The following SLC26A5 variants were observed in gnomAD, a reference collection of about 807,000 sequenced individuals.
The protein encoded by SLC26A5 is solute carrier family 26 member 5, also known as prestin.
Under a neutral mutation model 81.0 loss-of-function variants are expected in SLC26A5, and 51 were observed. The observed-to-expected ratio is 0.63, with a 90% CI of 0.50 to 0.80. The LOEUF is 0.80. Ranked by LOEUF, SLC26A5 falls within the 30% of genes least tolerant of loss-of-function variation. SLC26A5 has a pLI of 0.00. For synonymous variants in SLC26A5, 325 were observed against 332.8 expected (o/e 0.98, Z 0.25); for missense variants, 771 against 905.8 (o/e 0.85, Z 1.91).
At chr7:103,381,090 CAT>C (rs1425571255) in intron 14 of SLC26A5, among the ~76,000 whole-genome samples, 6 of 151,574 alleles carry the variant, frequency 4.0e-5, no homozygotes, top group African/African-American at 1.5e-4. Context: ...ACATACCACA[CAT>C]ATACACATCA....
At chr7:103,415,001 T>C (rs575848721) in intron 4 of SLC26A5, among the ~76,000 whole-genome samples, 2 of 152,344 alleles carry the variant, frequency 1.3e-5, no homozygotes, top group African/African-American at 4.8e-5. Flanking sequence ...GGGTCATTCA[T>C]TCATAGCTTG....
intron 9 of SLC26A5, among the ~76,000 whole-genome samples, chr7:103,397,278 A>G (rs1009593349): frequency 6.6e-6 from 1 of 151,896 alleles, no homozygotes; most frequent in Non-Finnish European, 1.5e-5. Context: ...GTGGTGGCTC[A>G]TGCCTGTAAT....
At chr7:103,393,169 T>C (rs1254750009) in intron 9 of SLC26A5, 103 bp from the exon 10 acceptor site, 10 of 1,378,876 alleles carry the variant, frequency 7.3e-6, no homozygotes, top group Non-Finnish European at 1.0e-5. Context: ...TATCTGCAAA[T>C]GAAGTAATCA....
intron 19 of SLC26A5, among the ~76,000 whole-genome samples, chr7:103,356,533 G>A (rs990998895): frequency 5.3e-5 from 8 of 152,156 alleles, no homozygotes; most frequent in Non-Finnish European, 1.0e-4. Flanking sequence ...TTTGCCATTT[G>A]AGGGAAAATA....
At chr7:103,382,299 T>C (rs866420258) in intron 14 of SLC26A5, among the ~76,000 whole-genome samples, 8 of 152,084 alleles carry the variant, frequency 5.3e-5, no homozygotes, top group Admixed American at 2.6e-4. Context: ...GTTAACTTAA[T>C]TTAGTCTGAA....
At position 103,363,703 on chromosome 7, in the gene SLC26A5, T is replaced by G. The variant is rs575277500; in HGVS notation, c.2042-10777A>C. Among the ~76,000 whole-genome samples the G allele has an allele frequency of 5.9e-5, 9 of 152,296 alleles. No homozygotes were observed. In the South Asian group the frequency reaches 1.4e-3, roughly 25 times the overall value. On this transcript the variant is annotated intron_variant, in intron 19 of 19. Transcript: ENST00000339444. ...GCACAGTGTAACCTTTAGCAATATG[T>G]TAAATATGTTACAGGCTATTATAGA... is the stretch of plus-strand genomic sequence containing the variant.
intron 19 of SLC26A5, among the ~76,000 whole-genome samples, chr7:103,376,147 C>T (rs1472023113): frequency 6.6e-6 from 1 of 151,824 alleles, no homozygotes; most frequent in East Asian, 1.9e-4. Flanking sequence ...GTGATGTTGG[C>T]TCACTGCAAC....
intron 2 of SLC26A5, among the ~76,000 whole-genome samples, chr7:103,440,769 G>C (rs1166810057): frequency 1.3e-5 from 2 of 152,174 alleles, no homozygotes; most frequent in Non-Finnish European, 2.9e-5. Context: ...GGTCTGCATT[G>C]GATTTTTGAC....
At chr7:103,363,241 A>C in intron 19 of SLC26A5, 1 of 864,016 alleles carries the variant, frequency 1.2e-6, no homozygotes, top group Admixed American at 2.6e-5. Context: ...TAAAATTCTC[A>C]CTTGTGAGTT....
chr7:103,361,855 G>C (rs1820433511), intron 19 of SLC26A5: 1 of 1,185,396 alleles, frequency 8.4e-7, no homozygotes, highest in Admixed American at 2.8e-5. Flanking sequence ...TGTAGTTCTA[G>C]TTTATACCTG....
chr7:103,410,479 G>A lies in SLC26A5; in HGVS notation c.641C>T (p.Thr214Ile), dbSNP rs748691910. 2 of 1,614,014 alleles carry A rather than the reference G, an allele frequency of 1.2e-6. No homozygotes were observed. Among genetic ancestry groups the A allele is most frequent in the East Asian group, 2.2e-5 (1 of 44,856 alleles). Residue 214 changes from threonine (T) to isoleucine (I), a missense_variant, in exon 7 of 20, where the codon ACC becomes ATC. Thr to Ile is a moderately conservative substitution (Grantham distance 89). Transcript: ENST00000306312. ...YLTEPLVRGF[T>I]TAAAVHVFTS... ...GAAGACATGCACAGCTGCTGCGGTGGTAAACCCACGGACCAGAGGCTCTGT... is the reference window on the plus strand; with the variant it reads ...GAAGACATGCACAGCTGCTGCGGTGATAAACCCACGGACCAGAGGCTCTGT...
At chr7:103,362,629 A>C in intron 19 of SLC26A5, 1 of 1,519,058 alleles carries the variant, frequency 6.6e-7, no homozygotes, top group Non-Finnish European at 9.1e-7. Flanking sequence ...GACTAAACAT[A>C]AAAGCACTTT....
At chr7:103,352,909 G>GTC in exon 20 of SLC26A5, 1 of 780,838 alleles carries the variant, frequency 1.3e-6, no homozygotes, top group Non-Finnish European at 2.4e-6. Flanking sequence ...CCATCTTCTG[G>GTC]TCATCTCTGT....
chr7:103,375,916 G>A (rs1821323586), intron 19 of SLC26A5, among the ~76,000 whole-genome samples: 3 of 149,368 alleles, frequency 2.0e-5, no homozygotes, highest in Admixed American at 6.7e-5. Flanking sequence ...CCACCAAGCC[G>A]GGCTAATTTT....
At chr7:103,384,022 A>G (rs1048267407) in intron 14 of SLC26A5, among the ~76,000 whole-genome samples, 2 of 151,892 alleles carry the variant, frequency 1.3e-5, no homozygotes, top group Non-Finnish European at 2.9e-5. Flanking sequence ...TGTGCCCATC[A>G]TGGGAGGCTG....
intron 19 of SLC26A5, chr7:103,365,952 T>G: frequency 1.3e-6 from 1 of 748,006 alleles, no homozygotes; most frequent in Admixed American, 3.0e-5. Flanking sequence ...ATAAAAAACG[T>G]TTAGGTAATA....
intron 19 of SLC26A5, chr7:103,361,827 T>C (rs996662138): frequency 3.5e-6 from 3 of 868,658 alleles, no homozygotes; most frequent in African/African-American, 3.5e-5. Flanking sequence ...AAAGGATCTT[T>C]AACAGTGTCC....
downstream of SLC26A5, among the ~76,000 whole-genome samples, chr7:103,369,742 T>C (rs922126294): frequency 2.6e-5 from 4 of 152,148 alleles, no homozygotes; most frequent in African/African-American, 9.7e-5. Flanking sequence ...TATATATACA[T>C]GTGTCAGGGT....
chr7:103,408,636 G>T (rs538761795), intron 7 of SLC26A5, among the ~76,000 whole-genome samples: 8 of 152,296 alleles, frequency 5.3e-5, no homozygotes, highest in Admixed American at 1.3e-4. Flanking sequence ...CAATTGGAAA[G>T]AATTAAGGGT....
Sources: allele counts gnomAD v4.1 joint callset (sites outside exome capture counted in the v4.1 genomes callset), GRCh38; gene constraint gnomAD v4.1.1; transcripts MANE v1.5; gene names NCBI Gene and HGNC (gene_info 2026-07-23, HGNC 2026-07-21).